Variants in CTTNBP2 observed in about 807,000 individuals in gnomAD.
CTTNBP2 encodes cortactin binding protein 2.
Under a neutral mutation model 156.9 loss-of-function variants are expected in CTTNBP2, and 108 were observed. The ratio of observed to expected loss-of-function variants is 0.69; its 90% confidence interval spans 0.59 to 0.81. The LOEUF (loss-of-function observed/expected upper bound fraction) is 0.81. CTTNBP2 is among the 30% of genes least tolerant of loss of function. The pLI is 0.00. For missense variants in CTTNBP2, 1,924 were observed against 2,035.4 expected, an observed-to-expected ratio of 0.95 and a Z score of 1.05; for synonymous variants, 767 against 751.8, an observed-to-expected ratio of 1.02 and a Z score of -0.33.
chr7:117,824,227 T>C (rs541718661), intron 2 of CTTNBP2, among the ~76,000 whole-genome samples: 2 of 152,148 alleles, frequency 1.3e-5, no homozygotes, highest in South Asian at 2.1e-4. Context: ...TACCTTAAAA[T>C]ACATAATATT....
intron 8 of CTTNBP2, among the ~76,000 whole-genome samples, chr7:117,773,705 ACACCC>A (rs1797933080): frequency 7.8e-6 from 1 of 127,550 alleles, no homozygotes; most frequent in African/African-American, 3.7e-5. Flanking sequence ...ACACACACAC[ACACCC>A]CAAAAAACAA....
chr7:117,739,859 A>T (rs1300699913), intron 14 of CTTNBP2, among the ~76,000 whole-genome samples: 2 of 152,216 alleles, frequency 1.3e-5, no homozygotes, highest in African/African-American at 4.8e-5. Flanking sequence ...TCCAATTGTC[A>T]TAGTCTCCTA....
chr7:117,761,183 G>A (rs1345986475), intron 9 of CTTNBP2, among the ~76,000 whole-genome samples: 1 of 152,192 alleles, frequency 6.6e-6, no homozygotes, highest in Non-Finnish European at 1.5e-5. Flanking sequence ...TCCTATAGAT[G>A]CGTGTTCTTG....
At chr7:117,769,726 C>A (rs1797705573) in intron 8 of CTTNBP2, among the ~76,000 whole-genome samples, 1 of 152,124 alleles carries the variant, frequency 6.6e-6, no homozygotes, top group African/African-American at 2.4e-5. Context: ...TAGAAATGAA[C>A]TCTAATTAGA....
chr7:117,848,505 G>A (rs1223757388), intron 2 of CTTNBP2, among the ~76,000 whole-genome samples: 1 of 152,216 alleles, frequency 6.6e-6, no homozygotes, highest in Non-Finnish European at 1.5e-5. Flanking sequence ...CCAATTTGAA[G>A]AGGCAGAGAT....
chr7:117,845,494 T>C (rs1802529921), intron 2 of CTTNBP2, among the ~76,000 whole-genome samples: 1 of 152,148 alleles, frequency 6.6e-6, no homozygotes, highest in Admixed American at 6.5e-5. Context: ...ATGAAGAGCA[T>C]TTATTACATT....
At chr7:117,778,629 C>T (rs977842305) in intron 7 of CTTNBP2, among the ~76,000 whole-genome samples, 10 of 152,108 alleles carry the variant, frequency 6.6e-5, no homozygotes, top group East Asian at 1.9e-4. Context: ...TCTGACTTAA[C>T]GACCCCTCCA....
chr7:117,766,641 G>C (rs912235937), intron 9 of CTTNBP2, among the ~76,000 whole-genome samples: 1 of 152,112 alleles, frequency 6.6e-6, no homozygotes, highest in East Asian at 1.9e-4. Context: ...CCCAAAAGAT[G>C]ATCAATTATC....
chr7:117,779,249 T>C (rs749894746), intron 7 of CTTNBP2, among the ~76,000 whole-genome samples: 1 of 152,194 alleles, frequency 6.6e-6, no homozygotes, highest in Non-Finnish European at 1.5e-5. Context: ...GTGTAAGTGC[T>C]TTTGACCTTT....
chr7:117,802,012 T>G (rs1465481702), intron 3 of CTTNBP2, among the ~76,000 whole-genome samples: 2 of 150,752 alleles, frequency 1.3e-5, no homozygotes, highest in Admixed American at 1.3e-4. Context: ...ACCCACTAAC[T>G]CGTCATCTAG....
At chr7:117,810,677 A>T (rs1343804368) in intron 3 of CTTNBP2, 88 bp downstream of exon 3, 2 of 1,026,736 alleles carry the variant, frequency 1.9e-6, no homozygotes, top group Non-Finnish European at 3.0e-6. Context: ...GTCTGAAAAT[A>T]TAATACTGAA....
intron 3 of CTTNBP2, among the ~76,000 whole-genome samples, chr7:117,805,102 T>C (rs753810407): frequency 6.6e-6 from 1 of 152,186 alleles, no homozygotes; most frequent in Non-Finnish European, 1.5e-5. Context: ...GTCGATCATA[T>C]ATTTAATAAG....
intron 3 of CTTNBP2, among the ~76,000 whole-genome samples, chr7:117,803,172 A>C (rs1468519709): frequency 3.3e-5 from 5 of 152,244 alleles, no homozygotes; most frequent in African/African-American, 1.2e-4. Flanking sequence ...AATGCGGTAC[A>C]TATACACCAT....
At chr7:117,741,014 T>G (rs1795983067) in intron 14 of CTTNBP2, among the ~76,000 whole-genome samples, 1 of 152,170 alleles carries the variant, frequency 6.6e-6, no homozygotes, top group Non-Finnish European at 1.5e-5. Context: ...CTGATGTAGA[T>G]TCTGAGAGCT....
At chr7:117,872,819 G>A (rs1584600820) in intron 1 of CTTNBP2, among the ~76,000 whole-genome samples, 1 of 152,242 alleles carries the variant, frequency 6.6e-6, no homozygotes, top group South Asian at 2.1e-4. Context: ...CGAAGGCACA[G>A]GACCAGATGC....
intron 14 of CTTNBP2, among the ~76,000 whole-genome samples, chr7:117,737,977 T>C (rs373180249): frequency 2.0e-5 from 3 of 152,172 alleles, no homozygotes; most frequent in East Asian, 1.9e-4. Flanking sequence ...AAGGTCAGAA[T>C]AGTTATAAAA....
chr7:117,852,303 A>G (rs117837035), intron 2 of CTTNBP2, among the ~76,000 whole-genome samples: 2,364 of 152,130 alleles, frequency 0.016, 75 homozygotes, highest in East Asian at 0.071. Flanking sequence ...AAAACCAAAA[A>G]AAAAAAAAAG....
At chr7:117,871,876 C>CACACACACACACACACACACT in intron 1 of CTTNBP2, 1 of 234,750 alleles carries the variant, frequency 4.3e-6, no homozygotes, top group African/African-American at 1.3e-4. Flanking sequence ...ACACACACAC[C>CACACACACACACACACACACT]CTCTTTCTTT....
intron 8 of CTTNBP2, 49 bp from the exon 9 acceptor site, chr7:117,767,225 G>A: frequency 9.6e-7 from 1 of 1,042,500 alleles, no homozygotes. Flanking sequence ...GAATTAACTT[G>A]AATGCAAAAC....
Sources: gnomAD v4.1 joint callset for allele counts (sites outside exome capture counted in the v4.1 genomes callset) on GRCh38, gnomAD v4.1.1 for gene constraint, MANE v1.5 for transcripts, NCBI Gene and HGNC (gene_info 2026-07-23, HGNC 2026-07-21) for gene names.